Variants in SPEF2 observed in about 807,000 individuals in gnomAD.
SPEF2 encodes the protein sperm flagellar and cilia associated 2.
In SPEF2, 187 loss-of-function variants were observed where a neutral mutation model predicts 224.6. That is an observed-to-expected ratio of 0.83 (90% CI 0.74 to 0.94). The LOEUF (loss-of-function observed/expected upper bound fraction) is 0.94. Among genes scored for constraint, SPEF2 ranks in the 40% least tolerant of loss-of-function variants. The probability of loss-of-function intolerance (pLI) is 0.00; values close to 1 mark genes in which losing one functional copy is unlikely to be tolerated. For synonymous variants in SPEF2, 715 were observed against 707.3 expected (o/e 1.01, Z -0.17); for missense variants, 2,170 against 2,135.6 (o/e 1.02, Z -0.32).
chr5:35,675,909 G>C (rs1561178168), intron 10 of SPEF2: 1 of 456,080 alleles, frequency 2.2e-6, no homozygotes, highest in Non-Finnish European at 4.4e-6. Flanking sequence ...TCTGGGACTT[G>C]TGTCTATGGA....
At chr5:35,658,978 T>G in intron 7 of SPEF2, 41 bp from the exon 8 acceptor site, 1 of 1,453,812 alleles carries the variant, frequency 6.9e-7, no homozygotes, top group Admixed American at 2.4e-5. Flanking sequence ...AGCGGGAAAT[T>G]TGGACGTCAC....
In SPEF2 at chr5:35,695,739, T is replaced by C; in HGVS notation, c.1980T>C (p.Ala660=). ...TACCACTTTTCCTATTGCTAGGTGC[T>C]AATGCTGATAAAACACCAAAAGCTG... ...PETEGETMLS[A]NADKTPKAEE... The change falls in exon 14 of 37, where the codon GCT becomes GCC. Residue 660 remains alanine, a synonymous_variant. Coordinates refer to ENST00000356031, the MANE Select transcript of SPEF2 (RefSeq NM_024867.4). 1.2e-6 allele frequency: 2 copies of C among 1,609,738 alleles called. No individual in the cohort carries two copies. Among genetic ancestry groups the C allele is most frequent in the Non-Finnish European group, 1.7e-6 (2 of 1,177,864 alleles).
intron 19 of SPEF2, chr5:35,710,439 C>T (rs926854044): frequency 5.8e-6 from 3 of 515,042 alleles, no homozygotes; most frequent in Admixed American, 6.4e-5. Context: ...CACCTGTAAT[C>T]CCAGCTGCTT....
In SPEF2 at chr5:35,795,705, T is replaced by A; in HGVS notation, c.4740T>A (p.Ala1580=). 6.2e-7 allele frequency: 1 copy of A among 1,611,578 alleles called. No individual in the cohort carries two copies. Among genetic ancestry groups the A allele is most frequent in the African/African-American group, 1.3e-5 (1 of 74,882 alleles). The change falls in exon 33 of 37, where the codon GCT becomes GCA. Residue 1580 remains alanine (A), a splice_region_variant and synonymous_variant. Transcript: ENST00000356031. ...TTTCATTTTTATTTTTTATGTAGGC[T>A]GGTCTGTGGTTTACAGGAGATGAAG... is the stretch of plus-strand genomic sequence containing the variant. ...GTITFEQYMQ[A]GLWFTGDEDI...
At chr5:35,773,501 A>G (rs1048598345) in intron 27 of SPEF2, among the ~76,000 whole-genome samples, 2 of 152,180 alleles carry the variant, frequency 1.3e-5, no homozygotes, top group Non-Finnish European at 2.9e-5. Flanking sequence ...ACACTTTGCT[A>G]ATAGAAGTTA....
chr5:35,626,634 C>A (rs934474137), intron 1 of SPEF2, among the ~76,000 whole-genome samples: 1 of 152,030 alleles, frequency 6.6e-6, no homozygotes, highest in African/African-American at 2.4e-5. Flanking sequence ...TTAATAGATT[C>A]TAATTCTAGA....
At chr5:35,674,337 C>A (rs956327592) in intron 10 of SPEF2, among the ~76,000 whole-genome samples, 2 of 94,454 alleles carry the variant, frequency 2.1e-5, no homozygotes, top group Non-Finnish European at 2.1e-5. Flanking sequence ...TTTTCGTCTT[C>A]TTTTTTTTTT....
chr5:35,658,934 T>G, intron 7 of SPEF2, 85 bp from the exon 8 acceptor site: 1 of 1,032,618 alleles, frequency 9.7e-7, no homozygotes, highest in Non-Finnish European at 1.3e-6. Flanking sequence ...CATTATGCCT[T>G]TTGTATATTG....
intron 30 of SPEF2, among the ~76,000 whole-genome samples, chr5:35,785,555 A>T (rs952121859): frequency 6.6e-6 from 1 of 151,246 alleles, no homozygotes; most frequent in African/African-American, 2.4e-5. Flanking sequence ...AATTTTTATA[A>T]TTTTTTTAAG....
At chr5:35,759,847 A>C (rs576133580) in intron 25 of SPEF2, 128 bp downstream of exon 25, 3 of 912,532 alleles carry the variant, frequency 3.3e-6, no homozygotes, top group East Asian at 5.7e-5. Flanking sequence ...AGCTCTAATA[A>C]CCAAACATGT....
At chr5:35,742,263 C>T (rs1747766453) in intron 23 of SPEF2, among the ~76,000 whole-genome samples, 1 of 152,116 alleles carries the variant, frequency 6.6e-6, no homozygotes, top group African/African-American at 2.4e-5. Flanking sequence ...CATTTTATTA[C>T]AGAGAATTTT....
intron 34 of SPEF2, among the ~76,000 whole-genome samples, chr5:35,803,320 C>T (rs1313578344): frequency 6.6e-6 from 1 of 152,206 alleles, no homozygotes; most frequent in Admixed American, 6.5e-5. Context: ...GCCAGGCTAG[C>T]TAGCACAGGA....
intron 36 of SPEF2, among the ~76,000 whole-genome samples, chr5:35,810,341 A>G (rs1240114574): frequency 6.6e-6 from 1 of 152,084 alleles, no homozygotes; most frequent in African/African-American, 2.4e-5. Flanking sequence ...CCTCCTGAGT[A>G]GCTGGGATGA....
chr5:35,722,334 T>C (rs1019180781), intron 20 of SPEF2, among the ~76,000 whole-genome samples: 3 of 151,958 alleles, frequency 2.0e-5, no homozygotes, highest in Admixed American at 6.5e-5. Context: ...TGCTCACCCA[T>C]CTATCCAGTA....
intron 30 of SPEF2, among the ~76,000 whole-genome samples, chr5:35,786,390 TG>T: frequency 6.6e-6 from 1 of 152,234 alleles, no homozygotes. Context: ...CTGGGCGTGG[TG>T]GCTCACGCCA....
At chr5:35,646,834 CTG>C (rs768496076) in intron 5 of SPEF2, 27 bp downstream of exon 5, 1 of 1,606,812 alleles carries the variant, frequency 6.2e-7, no homozygotes, top group East Asian at 2.2e-5. Flanking sequence ...TAATATTGTG[CTG>C]TGTTTATCTT....
chr5:35,625,678 A>G (rs748972583), intron 1 of SPEF2, among the ~76,000 whole-genome samples: 1 of 152,194 alleles, frequency 6.6e-6, no homozygotes, highest in Non-Finnish European at 1.5e-5. Context: ...CTAAGGGAAG[A>G]ATAGGGATAG....
chr5:35,790,488 C>A lies in SPEF2; in HGVS notation c.4448-1852C>A, dbSNP rs143014521. The A allele has an allele frequency of 7.2e-4, 308 of 428,268 alleles. 2 individuals carry two copies. The highest frequency in any genetic ancestry group is 4.2e-3 in the African/African-American group (206 of 48,824). The allele number at this position is 428,268 out of a possible 1,614,324, so 26.5% of individuals were successfully genotyped here. On this transcript the variant is annotated intron_variant, in intron 30 of 36. Transcript: ENST00000356031. The stretch of plus-strand genomic sequence containing the variant: ...GAATTTAAAAGTAAAACAGTAACTT[C>A]TCTTCACATCAAACAAAAGGCATTT...
intron 30 of SPEF2, chr5:35,789,773 G>GT: frequency 1.4e-6 from 1 of 701,780 alleles, no homozygotes; most frequent in Non-Finnish European, 2.6e-6. Flanking sequence ...TTTTATATAT[G>GT]TGACTATTTT....
Sources: gnomAD v4.1 joint callset for allele counts (sites outside exome capture counted in the v4.1 genomes callset) on GRCh38, gnomAD v4.1.1 for gene constraint, MANE v1.5 for transcripts, NCBI Gene and HGNC (gene_info 2026-07-23, HGNC 2026-07-21) for gene names.